UBE4B: variants seen among roughly 807,000 people sequenced by gnomAD.
UBE4B encodes ubiquitin conjugation factor E4 B.
Under a neutral mutation model 148.1 loss-of-function variants are expected in UBE4B, and 27 were observed. That is an observed-to-expected ratio of 0.18 (90% CI 0.13 to 0.25). The LOEUF is 0.25. Among genes scored for constraint, UBE4B ranks in the 10% least tolerant of loss-of-function variants. UBE4B has a pLI of 1.00. For missense variants in UBE4B, 1,170 were observed against 1,662.4 expected, an observed-to-expected ratio of 0.70 and a Z score of 5.15; for synonymous variants, 596 against 619.3, an observed-to-expected ratio of 0.96 and a Z score of 0.56.
intron 27 of UBE4B, 66 bp downstream of exon 27, chr1:10,179,628 A>T: frequency 6.3e-7 from 1 of 1,591,252 alleles, no homozygotes; most frequent in East Asian, 2.2e-5. Flanking sequence ...CCCAAGTCAC[A>T]TATTGGAGAT....
chr1:10,153,450 G>T (rs1646011249), intron 21 of UBE4B, among the ~76,000 whole-genome samples: 1 of 139,530 alleles, frequency 7.2e-6, no homozygotes, highest in African/African-American at 2.7e-5. Flanking sequence ...TGATCTTGCT[G>T]CTGCGTTCCA....
At chr1:10,055,499 G>A (rs1197374395) in intron 1 of UBE4B, among the ~76,000 whole-genome samples, 1 of 151,942 alleles carries the variant, frequency 6.6e-6, no homozygotes, top group Non-Finnish European at 1.5e-5. Context: ...AATTTTTTTT[G>A]TAGCGATGGG....
intron 1 of UBE4B, 119 bp downstream of exon 1, chr1:10,033,813 A>C: frequency 9.0e-7 from 1 of 1,112,200 alleles, no homozygotes; most frequent in Non-Finnish European, 1.2e-6. Context: ...CGGAGATGAT[A>C]TTTTCCAAGA....
At chr1:10,167,441 A>AAATAATAAT (rs200457569) in intron 23 of UBE4B, among the ~76,000 whole-genome samples, 11,445 of 147,072 alleles carry the variant, frequency 0.078, 857 homozygotes, top group African/African-American at 0.2. Flanking sequence ...CCGTCTCAAA[A>AAATAATAAT]AATAATAATA....
At position 10,161,119 on chromosome 1, in the gene UBE4B, G is replaced by A. The variant is rs1220659714; in HGVS notation, c.3054-23G>A. On this transcript the variant is annotated intron_variant, in intron 22 of 27. Transcript: ENST00000343090. The surrounding 1 kb of genome is among the most constrained non-coding windows in gnomAD (Gnocchi z 4.1). The stretch of plus-strand genomic sequence containing the variant: ...TTGCTTCAGGGAGATGTATGACCAT[G>A]TACAATATAATTGCCTTTCCAGCTC... 7.4e-6 allele frequency: 12 copies of A among 1,612,928 alleles called. No individual in the cohort carries two copies. The highest frequency in any genetic ancestry group is 8.5e-6 in the Non-Finnish European group (10 of 1,179,434).
At chr1:10,101,539 C>T (rs552450372) in intron 4 of UBE4B, among the ~76,000 whole-genome samples, 10 of 118,648 alleles carry the variant, frequency 8.4e-5, no homozygotes, top group East Asian at 5.6e-4. Context: ...GACAGAGTCT[C>T]GCTCTGTCGC....
At chr1:10,036,708 A>G (rs1643550539) in intron 1 of UBE4B, among the ~76,000 whole-genome samples, 1 of 152,164 alleles carries the variant, frequency 6.6e-6, no homozygotes, top group Non-Finnish European at 1.5e-5. Context: ...GACATTTCCA[A>G]AGCTTTTGCC....
Position 10,106,080 on chromosome 1 carries a change from GAT to G in UBE4B, c.810-113_810-112del, listed in dbSNP as rs1343967177. On this transcript the variant is annotated intron_variant, in intron 6 of 27. Transcript: ENST00000343090. The surrounding 1 kb of genome is among the most constrained non-coding windows in gnomAD (Gnocchi z 4.2). The stretch of plus-strand genomic sequence containing the variant: ...TAATTATTTAGATGTTTATCTGCTA[GAT>G]ATACTTGAACTGAAATGATTCTCCT... 1.7e-6 allele frequency: 2 copies of G among 1,194,588 alleles called. No homozygotes were observed. The highest frequency in any genetic ancestry group is 5.1e-5 in the Admixed American group (2 of 39,542). The allele number at this position is 1,194,588 out of a possible 1,614,324, so 74.0% of individuals were successfully genotyped here.
intron 2 of UBE4B, among the ~76,000 whole-genome samples, chr1:10,094,716 G>A (rs969451187): frequency 2.0e-5 from 3 of 152,108 alleles, no homozygotes; most frequent in African/African-American, 7.2e-5. Flanking sequence ...TTACAGGTGT[G>A]AGCCACCACA....
At chr1:10,158,597 CCTT>C (rs1463622610) in intron 22 of UBE4B, 115 bp downstream of exon 22, 1 of 1,366,946 alleles carries the variant, frequency 7.3e-7, no homozygotes, top group East Asian at 2.3e-5. Flanking sequence ...GTCTCAGACT[CCTT>C]TGAGTTTACC....
intron 1 of UBE4B, among the ~76,000 whole-genome samples, chr1:10,067,438 T>C (rs769030131): frequency 1.3e-5 from 2 of 152,158 alleles, no homozygotes; most frequent in Non-Finnish European, 2.9e-5. Flanking sequence ...AGGACTTTTG[T>C]TTAACTTAAA....
chr1:10,050,887 C>T lies in UBE4B; in HGVS notation c.24+17193C>T, dbSNP rs17034490. Among the ~76,000 whole-genome samples, 932 of 152,188 alleles carry T rather than the reference C, an allele frequency of 6.1e-3. 25 individuals carry two copies. The highest frequency in any genetic ancestry group is 0.044 in the Admixed American group (676 of 15,270). ...GGCCTGCCTCCCAATTCTAGTATTG[C>T]AATAGTTTATTTGTTTGCTGCATTA... On this transcript the variant is annotated intron_variant, in intron 1 of 27. Coordinates refer to ENST00000343090, the MANE Select transcript of UBE4B (RefSeq NM_001105562.3).
At chr1:10,160,517 CCT>C (rs1199778142) in intron 22 of UBE4B, among the ~76,000 whole-genome samples, 5 of 152,082 alleles carry the variant, frequency 3.3e-5, no homozygotes, top group African/African-American at 1.2e-4. Context: ...GTGACTGTTT[CCT>C]CTGTTGCCCA....
chr1:10,103,190 T>C (rs1645044368), intron 5 of UBE4B, 98 bp downstream of exon 5: 1 of 1,314,530 alleles, frequency 7.6e-7, no homozygotes, highest in Non-Finnish European at 1.0e-6. Flanking sequence ...TCCATCTTGC[T>C]CTTGGGTTGT....
Position 10,178,649 on chromosome 1 carries a change from C to A in UBE4B, c.3531C>A (p.Ser1177=), listed in dbSNP as rs991540417. 1 of 1,607,524 alleles carries A rather than the reference C, an allele frequency of 6.2e-7. No homozygotes were observed. The highest frequency in any genetic ancestry group is 1.3e-5 in the African/African-American group (1 of 74,314). Residue 1177 remains serine, a synonymous_variant, in exon 26 of 28, where the codon TCC becomes TCA. Transcript: ENST00000343090. ...TTGCCATTCCTCCTTTGCAGAGATC[C>A]TACAGTAAGGAATTGTTTGAAGAAG... ...FAKAIADDQR[S]YSKELFEEVI...
rs554545185 is a variant in UBE4B at position 10,169,389 on chromosome 1, G to A, written c.3333+1119G>A. Among the ~76,000 whole-genome samples, 25 of 152,316 alleles carry A rather than the reference G, an allele frequency of 1.6e-4. No individual in the cohort carries two copies. In the South Asian group the frequency reaches 4.1e-3, roughly 25 times the overall value. ...TTATGTGACTCCTGTCATCAGCAGA[G>A]GCACTATTGCCACTCCCTGGCCTGG... On this transcript the variant is annotated intron_variant, in intron 24 of 27. Coordinates refer to ENST00000343090, the MANE Select transcript of UBE4B (RefSeq NM_001105562.3).
chr1:10,070,992 A>G (rs559000868), intron 1 of UBE4B, among the ~76,000 whole-genome samples: 8 of 152,104 alleles, frequency 5.3e-5, no homozygotes, highest in South Asian at 2.1e-4. Context: ...GCTCACTGCA[A>G]TTGCCCTCCA....
At chr1:10,154,451 TA>T (rs1284591762) in intron 21 of UBE4B, among the ~76,000 whole-genome samples, 5 of 152,180 alleles carry the variant, frequency 3.3e-5, no homozygotes, top group Admixed American at 3.3e-4. Flanking sequence ...CATAAGAATT[TA>T]ATTTCTTGAA....
At chr1:10,060,267 G>C (rs1454853924) in intron 1 of UBE4B, among the ~76,000 whole-genome samples, 1 of 152,130 alleles carries the variant, frequency 6.6e-6, no homozygotes, top group Non-Finnish European at 1.5e-5. Flanking sequence ...CCACACGTAG[G>C]CTCTATAGTA....
Sources: gnomAD v4.1 joint callset for allele counts (sites outside exome capture counted in the v4.1 genomes callset) on GRCh38, gnomAD v4.1.1 for gene constraint, Gnocchi (gnomAD v3.1) non-coding constraint, MANE v1.5 for transcripts, NCBI Gene and HGNC (gene_info 2026-07-23, HGNC 2026-07-21) for gene names.